Variants in TAB2 observed in about 807,000 individuals in gnomAD.
The protein encoded by TAB2 is TGF-beta-activated kinase 1 and MAP3K7-binding protein 2.
Under a neutral mutation model 65.0 loss-of-function variants are expected in TAB2, and 3 were observed. That is an observed-to-expected ratio of 0.05 (90% CI 0.02 to 0.12). TAB2 has a LOEUF of 0.12. TAB2 is among the 10% of genes least tolerant of loss of function. The pLI, the probability that TAB2 is intolerant of heterozygous loss-of-function variation, is 1.00. For missense variants in TAB2, 623 were observed against 840.3 expected, an observed-to-expected ratio of 0.74 and a Z score of 3.20; for synonymous variants, 298 against 285.1, an observed-to-expected ratio of 1.05 and a Z score of -0.46.
At chr6:149,218,640 C>T, upstream of TAB2, 2 of 403,450 alleles carry the variant, frequency 5.0e-6, no homozygotes, top group Non-Finnish European at 1.0e-5. Context: ...GACTAATGCT[C>T]AGTGAGGTGA....
intron 1 of TAB2, among the ~76,000 whole-genome samples, chr6:149,356,695 G>A (rs1364616743): frequency 6.6e-6 from 1 of 152,182 alleles, no homozygotes; most frequent in East Asian, 1.9e-4. Context: ...TGTCACATAC[G>A]AATTTTGAGG....
intron 1 of TAB2, among the ~76,000 whole-genome samples, chr6:149,294,826 A>C (rs941368153): frequency 2.6e-5 from 4 of 152,202 alleles, no homozygotes; most frequent in African/African-American, 4.8e-5. Flanking sequence ...TTGTGACTCA[A>C]CTTCTCTGAA....
At chr6:149,270,124 A>G (rs1348011390) in intron 1 of TAB2, among the ~76,000 whole-genome samples, 4 of 152,194 alleles carry the variant, frequency 2.6e-5, no homozygotes. Flanking sequence ...ATTTTTGTTT[A>G]TTTTAGCTAT....
intron 1 of TAB2, among the ~76,000 whole-genome samples, chr6:149,266,014 C>A (rs1778258260): frequency 6.6e-6 from 1 of 152,198 alleles, no homozygotes; most frequent in African/African-American, 2.4e-5. Flanking sequence ...TGGGTGTTAG[C>A]AAATGTTACC....
At chr6:149,231,839 T>G (rs957099973) in intron 1 of TAB2, among the ~76,000 whole-genome samples, 2 of 152,176 alleles carry the variant, frequency 1.3e-5, no homozygotes, top group African/African-American at 4.8e-5. Flanking sequence ...CATTTCTTCT[T>G]CCAGTTGAAG....
At chr6:149,306,262 C>T (rs896929405) in intron 1 of TAB2, among the ~76,000 whole-genome samples, 12 of 151,968 alleles carry the variant, frequency 7.9e-5, no homozygotes, top group Admixed American at 3.3e-4. Context: ...AAAAATTGGC[C>T]GGGTGCGGTG....
At chr6:149,289,411 A>G (rs1778734930) in intron 1 of TAB2, among the ~76,000 whole-genome samples, 1 of 151,098 alleles carries the variant, frequency 6.6e-6, no homozygotes, top group Non-Finnish European at 1.5e-5. Flanking sequence ...AAAAAAGGCC[A>G]AAGTCCTTAC....
At chr6:149,368,578 T>C (rs1466626953) in intron 1 of TAB2, among the ~76,000 whole-genome samples, 2 of 152,074 alleles carry the variant, frequency 1.3e-5, no homozygotes, top group African/African-American at 4.8e-5. Context: ...TAAATGTCCT[T>C]TACTCATTTC....
intron 1 of TAB2, among the ~76,000 whole-genome samples, chr6:149,352,990 C>G (rs1190606629): frequency 6.6e-6 from 1 of 152,172 alleles, no homozygotes; most frequent in African/African-American, 2.4e-5. Context: ...CCTGCTTACA[C>G]ACTCAACTTT....
rs775053250 is a variant in TAB2 at position 149,378,694 on chromosome 6, C to T, written c.779C>T (p.Pro260Leu). The change falls in exon 3 of 7, where the codon CCT becomes CTT. Residue 260 changes from proline to leucine, a missense_variant. By Grantham distance (98) the Pro-to-Leu change is moderately conservative (BLOSUM62 -3). Around this residue, in one of 3 missense-constraint regions of TAB2, gnomAD observed 550 missense variants for 665.7 expected, o/e 0.83. Coordinates refer to ENST00000637181, the MANE Select transcript of TAB2 (RefSeq NM_001292034.3). ...CAGCCTGGTCCCTGGACTACTTGTC[C>T]TGCATCTAATCCTCTGTCACATACC... ...PSQPGPWTTC[P>L]ASNPLSHTSS... The T allele has an allele frequency of 8.7e-6, 14 of 1,613,956 alleles. No homozygotes were observed. The East Asian group carries it at 1.8e-4, about 21-fold the overall frequency.
At chr6:149,391,690 C>T (rs773602665) in intron 3 of TAB2, among the ~76,000 whole-genome samples, 3 of 151,906 alleles carry the variant, frequency 2.0e-5, no homozygotes, top group Non-Finnish European at 4.4e-5. Flanking sequence ...TACAGGCGCG[C>T]GCCACCATGC....
chr6:149,379,524 A>G lies in TAB2; in HGVS notation c.1603+6A>G, dbSNP rs1482751880. On this transcript the variant is annotated splice_donor_region_variant and intron_variant, in intron 3 of 6. Coordinates refer to ENST00000637181, the MANE Select transcript of TAB2 (RefSeq NM_001292034.3). ...TGATGCTGCCTACACACAAGGTAAT[A>G]TGAATACTAAAGGTGGGATGGTTTT... 1 of 1,614,016 alleles carries G rather than the reference A, an allele frequency of 6.2e-7. No homozygotes were observed. Among genetic ancestry groups the G allele is most frequent in the East Asian group, 2.2e-5 (1 of 44,892 alleles).
chr6:149,363,709 C>T (rs1009030843), intron 1 of TAB2, among the ~76,000 whole-genome samples: 1 of 151,928 alleles, frequency 6.6e-6, no homozygotes, highest in Non-Finnish European at 1.5e-5. Context: ...AGGATTTTCT[C>T]ATTCACACTC....
At chr6:149,271,121 T>C (rs1289033661) in intron 1 of TAB2, among the ~76,000 whole-genome samples, 1 of 152,040 alleles carries the variant, frequency 6.6e-6, no homozygotes, top group African/African-American at 2.4e-5. Context: ...GGTAAGAGGA[T>C]TGCTTGAGCC....
At chr6:149,404,032 G>A (rs887600958) in intron 6 of TAB2, among the ~76,000 whole-genome samples, 5 of 152,126 alleles carry the variant, frequency 3.3e-5, no homozygotes, top group Admixed American at 1.3e-4. Flanking sequence ...AAAGGAGGAA[G>A]TAAAATTATC....
At chr6:149,318,342 G>T (rs1030194408) in intron 1 of TAB2, among the ~76,000 whole-genome samples, 1 of 152,084 alleles carries the variant, frequency 6.6e-6, no homozygotes, top group East Asian at 1.9e-4. Context: ...GGGCGCAAGG[G>T]GCTCGGGAGG....
chr6:149,246,387 C>T (rs756655700), intron 1 of TAB2: 3 of 152,216 alleles, frequency 2.0e-5, no homozygotes, highest in Non-Finnish European at 4.4e-5. Flanking sequence ...AAACAATTTC[C>T]AGAAAATGTA....
At chr6:149,385,663 T>C (rs1781767935) in intron 3 of TAB2, among the ~76,000 whole-genome samples, 1 of 152,178 alleles carries the variant, frequency 6.6e-6, no homozygotes, top group East Asian at 1.9e-4. Flanking sequence ...TTAAAGGGCA[T>C]GAAGAATTCT....
At chr6:149,275,234 G>GAGAAAGAAAGAAAGAAGAAAGAA (rs1554255827) in intron 1 of TAB2, among the ~76,000 whole-genome samples, 1 of 65,390 alleles carries the variant, frequency 1.5e-5, no homozygotes, top group African/African-American at 8.8e-5. Flanking sequence ...GGGAGAGAGA[G>GAGAAAGAAAGAAAGAAGAAAGAA]AGAAAGAAAG....
Sources: allele counts gnomAD v4.1 joint callset (sites outside exome capture counted in the v4.1 genomes callset), GRCh38; gene constraint gnomAD v4.1.1; regional missense constraint gnomAD v4.1.1; transcripts MANE v1.5; gene names NCBI Gene and HGNC (gene_info 2026-07-23, HGNC 2026-07-21).